The following ALMS1 variants were observed in gnomAD, a reference collection of about 807,000 sequenced individuals.
ALMS1 encodes ALMS1 centrosome and basal body associated protein.
Under a neutral mutation model 352.2 loss-of-function variants are expected in ALMS1, and 271 were observed. The observed-to-expected ratio is 0.77, with a 90% CI of 0.70 to 0.85. The LOEUF (loss-of-function observed/expected upper bound fraction) is 0.85. Among genes scored for constraint, ALMS1 ranks in the 40% least tolerant of loss-of-function variants. ALMS1 has a pLI of 0.00. For missense variants in ALMS1, 5,445 were observed against 4,870.7 expected (o/e 1.12, Z -3.51); for synonymous variants, 1,865 against 1,761.2 (o/e 1.06, Z -1.48).
intron 12 of ALMS1, among the ~76,000 whole-genome samples, chr2:73,540,131 G>A (rs923903121): frequency 4.6e-5 from 7 of 152,280 alleles, no homozygotes; most frequent in African/African-American, 7.2e-5. Context: ...GAAAGGTCGG[G>A]TTACCCACAA....
intron 22 of ALMS1, among the ~76,000 whole-genome samples, chr2:73,609,289 C>T (rs536126382): frequency 1.3e-5 from 2 of 152,338 alleles, no homozygotes; most frequent in South Asian, 2.1e-4. Context: ...GTGTCAGCAT[C>T]GCAGGGCCAG....
chr2:73,450,353 A>G lies in ALMS1; in HGVS notation c.3826A>G (p.Thr1276Ala). 2 of 1,613,244 alleles carry G rather than the reference A, an allele frequency of 1.2e-6. No individual in the cohort carries two copies. The highest frequency in any genetic ancestry group is 1.7e-6 in the Non-Finnish European group (2 of 1,179,798). Residue 1276 changes from threonine to alanine, a missense_variant, in exon 8 of 23, where the codon ACT becomes GCT. Thr to Ala is a moderately conservative substitution (Grantham distance 58, BLOSUM62 0). Coordinates refer to ENST00000613296, the MANE Select transcript of ALMS1 (RefSeq NM_001378454.1). ...SVASEPVDQT[T>A]GTPAVTSTSY... ...TGCCTCTGAACCAGTTGACCAGACA[A>G]CTGGCACACCAGCTGTAACCTCTAC...
In ALMS1 at chr2:73,465,796, AAAAC is replaced by A. The variant is rs553415472; in HGVS notation, c.7674+10504_7674+10507del. Among the ~76,000 whole-genome samples, 662 of 151,218 alleles carry A rather than the reference AAAAC, an allele frequency of 4.4e-3. 5 individuals are homozygous for A. The highest frequency in any genetic ancestry group is 0.015 in the African/African-American group (616 of 41,398). Reference sequence around the variant, plus strand: ...TGAACTCAAACAAATTTACAAGAAAAAAACAACCCCATCAAAAAGTGGGTGAAGG... The same window carrying A: ...TGAACTCAAACAAATTTACAAGAAAAAACCCCATCAAAAAGTGGGTGAAGG... On this transcript the variant is annotated intron_variant, in intron 9 of 22. Coordinates refer to ENST00000613296, the MANE Select transcript of ALMS1 (RefSeq NM_001378454.1).
At chr2:73,527,476 A>C (rs757742414) in intron 11 of ALMS1, among the ~76,000 whole-genome samples, 3 of 151,356 alleles carry the variant, frequency 2.0e-5, no homozygotes, top group Non-Finnish European at 4.4e-5. Flanking sequence ...TCAATTTTGG[A>C]TTTCTTCCTG....
intron 8 of ALMS1, chr2:73,454,413 G>C: frequency 1.0e-6 from 1 of 965,618 alleles, no homozygotes; most frequent in Non-Finnish European, 1.2e-6. Context: ...AAGCTATCAC[G>C]TTTCTCTAAT....
In ALMS1 at chr2:73,448,777, T is replaced by C. The variant is rs1359284535; in HGVS notation, c.2250T>C (p.Ala750=). The stretch of plus-strand genomic sequence containing the variant: ...AAGTTTCAGCCACTCCTGGACCAGC[T>C]GACCAGAAGACTGAGATACCAGCAG... ...LTKVSATPGP[A]DQKTEIPAVQ... is the part of the protein sequence containing the mutation. The change falls in exon 8 of 23, where the codon GCT becomes GCC. Residue 750 remains alanine, a synonymous_variant. Transcript: ENST00000613296. 6.2e-7 allele frequency: 1 copy of C among 1,614,032 alleles called. No individual in the cohort carries two copies. The highest frequency in any genetic ancestry group is 8.5e-7 in the Non-Finnish European group (1 of 1,179,990).
At chr2:73,585,696 T>C (rs889891690) in intron 16 of ALMS1, among the ~76,000 whole-genome samples, 1 of 151,456 alleles carries the variant, frequency 6.6e-6, no homozygotes, top group African/African-American at 2.4e-5. Context: ...GCCTGGCCGA[T>C]GATGATCATT....
At chr2:73,603,487 C>A in intron 21 of ALMS1, 183 bp downstream of exon 21, 1 of 613,632 alleles carries the variant, frequency 1.6e-6, no homozygotes. Flanking sequence ...GTATGAATGA[C>A]TCATATGCAA....
intron 19 of ALMS1, among the ~76,000 whole-genome samples, chr2:73,601,734 G>A (rs933541339): frequency 1.7e-4 from 26 of 152,368 alleles, no homozygotes; most frequent in African/African-American, 5.3e-4. Flanking sequence ...TGGAGGGCCC[G>A]GAGGCCTGAC....
At chr2:73,398,029 T>C (rs1670798316) in intron 1 of ALMS1, among the ~76,000 whole-genome samples, 1 of 152,242 alleles carries the variant, frequency 6.6e-6, no homozygotes, top group African/African-American at 2.4e-5. Context: ...CCTTTAGTAT[T>C]GTATCCAAAA....
chr2:73,510,890 C>G (rs909190505), intron 10 of ALMS1, among the ~76,000 whole-genome samples: 7 of 152,198 alleles, frequency 4.6e-5, no homozygotes, highest in African/African-American at 1.4e-4. Flanking sequence ...GGGCTGCTGC[C>G]TTTCTTTCAG....
In ALMS1 at chr2:73,604,898, G is replaced by A. The variant is rs151044618; in HGVS notation, c.12362+1594G>A. On this transcript the variant is annotated intron_variant, in intron 21 of 22. Transcript: ENST00000613296. The stretch of plus-strand genomic sequence containing the variant: ...GCACCAAACTGTAGTAGTCTAGTAG[G>A]CATTGTATCCTGCACAGCCTCCCGC... Among the ~76,000 whole-genome samples, 732 of 152,334 alleles carry A rather than the reference G, an allele frequency of 4.8e-3. 25 individuals are homozygous for A. The highest frequency in any genetic ancestry group is 0.041 in the Admixed American group (623 of 15,306).
intron 9 of ALMS1, among the ~76,000 whole-genome samples, chr2:73,478,008 G>A (rs770700670): frequency 6.6e-5 from 10 of 152,146 alleles, no homozygotes; most frequent in Non-Finnish European, 1.5e-4. Context: ...ATACTGAATA[G>A]AAGAGGTAAG....
intron 2 of ALMS1, among the ~76,000 whole-genome samples, chr2:73,413,497 G>A (rs915231916): frequency 1.3e-5 from 2 of 152,044 alleles, no homozygotes; most frequent in African/African-American, 4.8e-5. Flanking sequence ...GGTCTGTCCT[G>A]TGTGTCCTAA....
At chr2:73,413,239 T>G (rs1036420764) in intron 2 of ALMS1, among the ~76,000 whole-genome samples, 2 of 152,176 alleles carry the variant, frequency 1.3e-5, no homozygotes, top group African/African-American at 4.8e-5. Context: ...ATCAGTTGTT[T>G]CTTTTGCAGA....
chr2:73,596,246 T>C (rs1483658213), intron 16 of ALMS1, among the ~76,000 whole-genome samples: 1 of 152,226 alleles, frequency 6.6e-6, no homozygotes, highest in Non-Finnish European at 1.5e-5. Context: ...GTTTTAATTA[T>C]TATGTTTAGG....
chr2:73,574,459 GACATA>G (rs942290834), intron 16 of ALMS1, among the ~76,000 whole-genome samples: 2 of 151,958 alleles, frequency 1.3e-5, no homozygotes, highest in African/African-American at 4.8e-5. Context: ...GTACAGTAGT[GACATA>G]ACATATAAAT....
At chr2:73,459,929 C>G (rs765997863) in intron 9 of ALMS1, among the ~76,000 whole-genome samples, 1 of 152,054 alleles carries the variant, frequency 6.6e-6, no homozygotes, top group Non-Finnish European at 1.5e-5. Context: ...CATAATTACA[C>G]GCACCCCCCT....
Position 73,451,844 on chromosome 2 carries a change from T to C in ALMS1, c.5317T>C (p.Leu1773=). 1.9e-6 allele frequency: 3 copies of C among 1,613,260 alleles called. No individual in the cohort carries two copies. Among genetic ancestry groups the C allele is most frequent in the East Asian group, 2.2e-5 (1 of 44,760 alleles). The change falls in exon 8 of 23, where the codon TTG becomes CTG. Residue 1773 remains leucine (L), a synonymous_variant. Coordinates refer to ENST00000613296, the MANE Select transcript of ALMS1 (RefSeq NM_001378454.1). ...GCCTAATATTTCTTACCAGCAAGAG[T>C]TGCCAGATAGTCATCTAACTGAAGA... ...EKPNISYQQE[L]PDSHLTEEAL...
Sources: allele counts gnomAD v4.1 joint callset (sites outside exome capture counted in the v4.1 genomes callset), GRCh38; gene constraint gnomAD v4.1.1; transcripts MANE v1.5; gene names NCBI Gene and HGNC (gene_info 2026-07-23, HGNC 2026-07-21).